Variants in SH3GLB1 observed in about 807,000 individuals in gnomAD.
The protein encoded by SH3GLB1 is SH3 domain containing GRB2 like, endophilin B1.
Under a neutral mutation model 42.0 loss-of-function variants are expected in SH3GLB1, and 17 were observed. That is an observed-to-expected ratio of 0.40 (90% CI 0.28 to 0.61). The LOEUF (loss-of-function observed/expected upper bound fraction) is 0.61. Among genes scored for constraint, SH3GLB1 ranks in the 20% least tolerant of loss-of-function variants. The pLI is 0.36. For missense variants in SH3GLB1, 355 were observed against 426.3 expected (o/e 0.83, Z 1.47); for synonymous variants, 132 against 146.6 (o/e 0.90, Z 0.72).
chr1:86,704,826 G>C lies in SH3GLB1; in HGVS notation c.-74G>C. 9.8e-7 allele frequency: 1 copy of C among 1,021,048 alleles called. No homozygotes were observed. 63.2% of individuals were successfully genotyped at this position (1,021,048 alleles called of 1,614,324 possible). ...CGTCTGCCCTCGCCGCTCTAGCCCTGCGCCCCAGCCCGGCCGCGGCACCTC... is the reference window on the plus strand; with the variant it reads ...CGTCTGCCCTCGCCGCTCTAGCCCTCCGCCCCAGCCCGGCCGCGGCACCTC... On this transcript the variant is annotated 5_prime_UTR_variant, in exon 1 of 9. Coordinates refer to ENST00000370558, the MANE Select transcript of SH3GLB1 (RefSeq NM_016009.5).
chr1:86,738,232 G>C (rs1032294961), intron 7 of SH3GLB1, among the ~76,000 whole-genome samples: 1 of 138,322 alleles, frequency 7.2e-6, no homozygotes, highest in African/African-American at 3.2e-5. Context: ...GGGCCTGTGG[G>C]TGTTGTTTGT....
chr1:86,715,981 G>A (rs1051055910), intron 2 of SH3GLB1, 116 bp downstream of exon 2: 8 of 1,087,978 alleles, frequency 7.4e-6, no homozygotes, highest in South Asian at 4.9e-5. Flanking sequence ...TAGCTTCAAG[G>A]TCAGTGGGTT....
At chr1:86,710,158 G>A (rs1490955295) in intron 1 of SH3GLB1, among the ~76,000 whole-genome samples, 2 of 152,192 alleles carry the variant, frequency 1.3e-5, no homozygotes, top group African/African-American at 4.8e-5. Context: ...AAAATAGATA[G>A]AAGATAGTTT....
At position 86,704,765 on chromosome 1, in the gene SH3GLB1, G is replaced by A. The variant is rs1570397336; in HGVS notation, c.-135G>A. 2 of 511,762 alleles carry A rather than the reference G, an allele frequency of 3.9e-6. No individual in the cohort carries two copies. The highest frequency in any genetic ancestry group is 4.4e-5 in the Admixed American group (1 of 22,694). 31.7% of individuals were successfully genotyped at this position (511,762 alleles called of 1,614,324 possible). A position where few individuals can be genotyped will look rare whatever the true frequency, so the allele number is the denominator to read the frequency against. On this transcript the variant is annotated 5_prime_UTR_variant, in exon 1 of 9. Coordinates refer to ENST00000370558, the MANE Select transcript of SH3GLB1 (RefSeq NM_016009.5). ...CCCCGTTCACGGAAACGACAGCTGCGGCTGCGGGGCTGGCGCCGCCTCCCT... is the reference window on the plus strand; with the variant it reads ...CCCCGTTCACGGAAACGACAGCTGCAGCTGCGGGGCTGGCGCCGCCTCCCT...
chr1:86,737,882 A>G (rs921844656), intron 7 of SH3GLB1, among the ~76,000 whole-genome samples: 3 of 152,172 alleles, frequency 2.0e-5, no homozygotes, highest in African/African-American at 7.2e-5. Context: ...AGCAAGTACA[A>G]AAACCCTGAG....
chr1:86,742,559 A>G, intron 8 of SH3GLB1, 123 bp downstream of exon 8: 1 of 584,606 alleles, frequency 1.7e-6, no homozygotes, highest in Non-Finnish European at 2.9e-6. Flanking sequence ...AGATAGTTAT[A>G]TTAACATAAA....
At chr1:86,724,890 A>ATATATAT (rs1349915743) in intron 5 of SH3GLB1, among the ~76,000 whole-genome samples, 117 of 102,864 alleles carry the variant, frequency 1.1e-3, no homozygotes, top group East Asian at 2.0e-3. Context: ...AAAAAAAAAA[A>ATATATAT]AAATATATAT....
At chr1:86,739,327 T>C (rs905106332) in intron 7 of SH3GLB1, among the ~76,000 whole-genome samples, 4 of 152,102 alleles carry the variant, frequency 2.6e-5, no homozygotes, top group African/African-American at 4.8e-5. Context: ...AGGAAGATGA[T>C]AACGAGTGAG....
In SH3GLB1 at chr1:86,704,849, C is replaced by T. The variant is rs774306534; in HGVS notation, c.-51C>T. 1.5e-6 allele frequency: 2 copies of T among 1,372,680 alleles called. No individual in the cohort carries two copies. The highest frequency in any genetic ancestry group is 2.0e-6 in the Non-Finnish European group (2 of 1,004,402). The allele number at this position is 1,372,680 out of a possible 1,614,324, so 85.0% of individuals were successfully genotyped here. ...CTGCGCCCCAGCCCGGCCGCGGCAC[C>T]TCCGCCTCGCCGCCGCTAGGTCGGC... On this transcript the variant is annotated 5_prime_UTR_variant, in exon 1 of 9. Coordinates refer to ENST00000370558, the MANE Select transcript of SH3GLB1 (RefSeq NM_016009.5).
chr1:86,716,761 A>T (rs957615303), intron 2 of SH3GLB1, among the ~76,000 whole-genome samples: 1 of 152,214 alleles, frequency 6.6e-6, no homozygotes, highest in Admixed American at 6.5e-5. Flanking sequence ...TGGAAATTGG[A>T]CTAGAACCGG....
At chr1:86,721,755 TAAGTATAA>T (rs1489526291) in intron 3 of SH3GLB1, among the ~76,000 whole-genome samples, 1 of 152,098 alleles carries the variant, frequency 6.6e-6, no homozygotes, top group Non-Finnish European at 1.5e-5. Context: ...TATACTTTTA[TAAGTATAA>T]CCACAGTCAC....
chr1:86,710,607 A>C (rs1654158242), intron 1 of SH3GLB1, among the ~76,000 whole-genome samples: 1 of 152,150 alleles, frequency 6.6e-6, no homozygotes, highest in African/African-American at 2.4e-5. Flanking sequence ...GCTACAAATT[A>C]ATCCTAAACT....
chr1:86,736,138 G>GGAAT lies in SH3GLB1; in HGVS notation c.761+961_761+964dup. Among the ~76,000 whole-genome samples the GGAAT allele has an allele frequency of 2.0e-5, 3 of 152,332 alleles. No individual in the cohort carries two copies. The South Asian group carries it at 6.2e-4, about 32-fold the overall frequency. On this transcript the variant is annotated intron_variant, in intron 7 of 8. Coordinates refer to ENST00000370558, the MANE Select transcript of SH3GLB1 (RefSeq NM_016009.5). ...AGGCTGGAGCATAGTGTTCAAGAATGGAATGGTAGATGAATCTAGAGGAGT... is the reference window on the plus strand; with the variant it reads ...AGGCTGGAGCATAGTGTTCAAGAATGGAATGAATGGTAGATGAATCTAGAGGAGT...
intron 2 of SH3GLB1, among the ~76,000 whole-genome samples, chr1:86,716,551 G>A (rs929296601): frequency 6.6e-6 from 1 of 152,120 alleles, no homozygotes; most frequent in African/African-American, 2.4e-5. Context: ...CCAAAGTACT[G>A]GGATGACAGC....
At chr1:86,709,380 A>G (rs531288794) in intron 1 of SH3GLB1, among the ~76,000 whole-genome samples, 1 of 152,288 alleles carries the variant, frequency 6.6e-6, no homozygotes, top group Non-Finnish European at 1.5e-5. Context: ...ATTTTCTAAC[A>G]TTGTTTGCGG....
chr1:86,712,374 A>T (rs1292431545), intron 1 of SH3GLB1, among the ~76,000 whole-genome samples: 2 of 152,170 alleles, frequency 1.3e-5, no homozygotes, highest in Non-Finnish European at 2.9e-5. Context: ...TAATTTTGGA[A>T]ATCAGCAAGT....
intron 7 of SH3GLB1, among the ~76,000 whole-genome samples, chr1:86,736,952 AT>A (rs910093379): frequency 2.6e-5 from 4 of 152,210 alleles, no homozygotes; most frequent in African/African-American, 9.6e-5. Context: ...AGAGAACCAG[AT>A]TGTATTGTTA....
intron 1 of SH3GLB1, among the ~76,000 whole-genome samples, chr1:86,711,715 T>C (rs1182646580): frequency 6.6e-6 from 1 of 152,182 alleles, no homozygotes; most frequent in Non-Finnish European, 1.5e-5. Context: ...AATTTAAAAT[T>C]TTTTGGTAAC....
At chr1:86,712,294 G>T (rs1268795625) in intron 1 of SH3GLB1, among the ~76,000 whole-genome samples, 1 of 152,124 alleles carries the variant, frequency 6.6e-6, no homozygotes, top group Non-Finnish European at 1.5e-5. Context: ...TGTCCAGAGT[G>T]CTGCGAACAG....
Sources: allele counts gnomAD v4.1 joint callset (sites outside exome capture counted in the v4.1 genomes callset), GRCh38; gene constraint gnomAD v4.1.1; transcripts MANE v1.5; gene names NCBI Gene and HGNC (gene_info 2026-07-23, HGNC 2026-07-21).